The following PEAK1 variants were observed in gnomAD, a reference collection of about 807,000 sequenced individuals.
The protein encoded by PEAK1 is inactive tyrosine-protein kinase PEAK1.
Under a neutral mutation model 124.7 loss-of-function variants are expected in PEAK1, and 54 were observed. The ratio of observed to expected loss-of-function variants is 0.43; its 90% CI spans 0.35 to 0.54. PEAK1 has a LOEUF of 0.54. PEAK1 is among the 20% of genes least tolerant of loss of function. PEAK1 has a pLI of 0.01. For synonymous variants in PEAK1, 719 were observed against 760.0 expected (o/e 0.95, Z 0.89); for missense variants, 2,046 against 2,134.5 (o/e 0.96, Z 0.82).
At chr15:77,264,079 A>C (rs1476819416) in intron 5 of PEAK1, among the ~76,000 whole-genome samples, 1 of 152,204 alleles carries the variant, frequency 6.6e-6, no homozygotes, top group African/African-American at 2.4e-5. Flanking sequence ...AACTCTCAAT[A>C]AATTAGGTAT....
intron 6 of PEAK1, chr15:77,239,816 A>G (rs566772472): frequency 3.1e-6 from 3 of 983,376 alleles, no homozygotes; most frequent in East Asian, 1.1e-4. Context: ...CTTTCAATGC[A>G]TCTTTCAAAG....
Position 77,109,747 on chromosome 15 carries a change from T to C in PEAK1, c.*4409A>G, listed in dbSNP as rs879861374. Reference sequence around the variant, plus strand: ...TGTGGGCAGCCATCCTGTTCACTCATTAGGCTGGAGCGGAATTTTCAATCC... The same window carrying C: ...TGTGGGCAGCCATCCTGTTCACTCACTAGGCTGGAGCGGAATTTTCAATCC... On this transcript the variant is annotated 3_prime_UTR_variant, in exon 10 of 10. Transcript: ENST00000682557. The C allele has an allele frequency of 2.6e-5, 4 of 152,234 alleles. No individual in the cohort carries two copies. The highest frequency in any genetic ancestry group is 7.2e-5 in the African/African-American group (3 of 41,458). 9.4% of individuals were successfully genotyped at this position (152,234 alleles called of 1,614,324 possible). A position where few individuals can be genotyped will look rare whatever the true frequency, so the allele number is the denominator to read the frequency against.
chr15:77,276,578 A>G (rs2062340294), intron 5 of PEAK1, among the ~76,000 whole-genome samples: 1 of 152,126 alleles, frequency 6.6e-6, no homozygotes, highest in Non-Finnish European at 1.5e-5. Context: ...CTAAAAGAAT[A>G]AAGAAAATTC....
At chr15:77,334,129 T>A (rs1312221074) in intron 2 of PEAK1, 1 of 911,988 alleles carries the variant, frequency 1.1e-6, no homozygotes, top group Non-Finnish European at 1.3e-6. Context: ...TCTAAATACT[T>A]AAGAGATTTT....
intron 7 of PEAK1, among the ~76,000 whole-genome samples, chr15:77,161,420 A>G (rs1255121275): frequency 6.6e-6 from 1 of 152,224 alleles, no homozygotes; most frequent in Non-Finnish European, 1.5e-5. Context: ...TATTCCAGAT[A>G]AAGATTGGTT....
chr15:77,170,151 A>C (rs1246050759), intron 7 of PEAK1, among the ~76,000 whole-genome samples: 3 of 152,172 alleles, frequency 2.0e-5, no homozygotes, highest in Non-Finnish European at 4.4e-5. Flanking sequence ...AATGGGGGGA[A>C]GTGAATAGAG....
At chr15:77,242,680 G>A (rs767071161) in intron 6 of PEAK1, among the ~76,000 whole-genome samples, 2 of 152,084 alleles carry the variant, frequency 1.3e-5, no homozygotes, top group Non-Finnish European at 2.9e-5. Flanking sequence ...CCATTAAAAG[G>A]CAGTAGTTGC....
At chr15:77,418,696 T>C (rs1329836674) in intron 1 of PEAK1, 37 of 985,350 alleles carry the variant, frequency 3.8e-5, no homozygotes, top group African/African-American at 5.2e-5. Context: ...GAAGCCATCA[T>C]GAAGTGAGTA....
intron 1 of PEAK1, among the ~76,000 whole-genome samples, chr15:77,392,955 A>C (rs536236806): frequency 6.6e-6 from 1 of 152,172 alleles, no homozygotes; most frequent in African/African-American, 2.4e-5. Context: ...GAAGCTGTGC[A>C]CTTGCGGGGA....
intron 2 of PEAK1, among the ~76,000 whole-genome samples, chr15:77,317,691 T>G (rs575370051): frequency 6.6e-6 from 1 of 152,222 alleles, no homozygotes; most frequent in Non-Finnish European, 1.5e-5. Flanking sequence ...ATTATCAAAG[T>G]TGAGATATCA....
At chr15:77,384,386 T>C (rs2069747483) in intron 1 of PEAK1, among the ~76,000 whole-genome samples, 1 of 152,204 alleles carries the variant, frequency 6.6e-6, no homozygotes, top group South Asian at 2.1e-4. Context: ...CAAAATGTGA[T>C]TTGGCAAATA....
intron 2 of PEAK1, among the ~76,000 whole-genome samples, chr15:77,297,153 C>G (rs1387326802): frequency 6.6e-6 from 1 of 151,806 alleles, no homozygotes; most frequent in African/African-American, 2.4e-5. Context: ...TCAGGATACA[C>G]AGAGAATGTG....
chr15:77,343,862 T>C (rs1472089596), intron 2 of PEAK1, among the ~76,000 whole-genome samples: 1 of 152,148 alleles, frequency 6.6e-6, no homozygotes, highest in East Asian at 1.9e-4. Context: ...GTCATGAGGA[T>C]TTTCTCCTAG....
At chr15:77,396,004 A>G (rs1313957790) in intron 1 of PEAK1, among the ~76,000 whole-genome samples, 3 of 152,222 alleles carry the variant, frequency 2.0e-5, no homozygotes, top group African/African-American at 7.2e-5. Context: ...AATAATAACT[A>G]TAACTTTTAA....
chr15:77,208,448 T>A (rs2058761646), intron 6 of PEAK1, among the ~76,000 whole-genome samples: 1 of 152,150 alleles, frequency 6.6e-6, no homozygotes, highest in African/African-American at 2.4e-5. Flanking sequence ...TTGTCTAGAG[T>A]CACTAGTATC....
At chr15:77,379,330 CG>C (rs1262486883) in intron 1 of PEAK1, among the ~76,000 whole-genome samples, 1 of 152,046 alleles carries the variant, frequency 6.6e-6, no homozygotes, top group Non-Finnish European at 1.5e-5. Flanking sequence ...ACTAAAAAGT[CG>C]TAAGAGAATG....
chr15:77,132,937 A>C, intron 9 of PEAK1, 68 bp downstream of exon 9: 1 of 1,449,588 alleles, frequency 6.9e-7, no homozygotes, highest in Non-Finnish European at 9.4e-7. Flanking sequence ...GGAGAAAAGC[A>C]GAATGAATCC....
chr15:77,378,188 T>TTATATATA (rs758426465), intron 1 of PEAK1, among the ~76,000 whole-genome samples: 20,202 of 129,444 alleles, frequency 0.16, 1,680 homozygotes, highest in Non-Finnish European at 0.23. Flanking sequence ...TATAACAATA[T>TTATATATA]TATATATATA....
chr15:77,201,999 T>C (rs1364949683), intron 6 of PEAK1, among the ~76,000 whole-genome samples: 2 of 152,216 alleles, frequency 1.3e-5, no homozygotes, highest in Admixed American at 6.5e-5. Context: ...AAACTTGGTA[T>C]TCATTTTAGA....
Sources: gnomAD v4.1 joint callset for allele counts (sites outside exome capture counted in the v4.1 genomes callset) on GRCh38, gnomAD v4.1.1 for gene constraint, MANE v1.5 for transcripts, NCBI Gene and HGNC (gene_info 2026-07-23, HGNC 2026-07-21) for gene names.